The following ETS2 variants were observed in gnomAD, a reference collection of about 807,000 sequenced individuals.
ETS2 encodes the protein ETS proto-oncogene 2, transcription factor, also known as protein C-ets-2.
In ETS2, 19 loss-of-function variants were observed where a neutral mutation model predicts 54.9. That is an observed-to-expected ratio of 0.35 (90% confidence interval 0.24 to 0.51). The LOEUF is 0.51. Ranked by LOEUF, ETS2 falls within the 20% of genes least tolerant of loss-of-function variation. ETS2 has a pLI of 0.97. For missense variants in ETS2, 417 were observed against 593.0 expected (o/e 0.70, Z 3.08); for synonymous variants, 219 against 229.3 (o/e 0.95, Z 0.41).
chr21:38,821,635 C>T lies in ETS2; in HGVS notation c.1125C>T (p.Asp375=). ...AGTTTCTCCTGGAGCTGCTATCAGACAAATCCTGCCAGTCATTCATCAGCT... is the reference window on the plus strand; with the variant it reads ...AGTTTCTCCTGGAGCTGCTATCAGATAAATCCTGCCAGTCATTCATCAGCT... ...LWQFLLELLS[D]KSCQSFISWT... is the part of the protein sequence containing the mutation. Residue 375 remains aspartate (D), a synonymous_variant, in exon 9 of 10, where the codon GAC becomes GAT. Transcript: ENST00000360938. This position sits in a 1 kb window ranked among gnomAD's most constrained non-coding sequence, Gnocchi z 4.2. 1 of 1,614,200 alleles carries T rather than the reference C, an allele frequency of 6.2e-7. No individual in the cohort carries two copies. Among genetic ancestry groups the T allele is most frequent in the South Asian group, 1.1e-5 (1 of 91,086 alleles).
chr21:38,806,034 T>C lies in ETS2; in HGVS notation c.-87T>C. 1 of 1,219,566 alleles carries C rather than the reference T, an allele frequency of 8.2e-7. No individual in the cohort carries two copies. Among genetic ancestry groups the C allele is most frequent in the Non-Finnish European group, 1.0e-6 (1 of 958,892 alleles). 75.5% of individuals were successfully genotyped at this position (1,219,566 alleles called of 1,614,324 possible). ...CCCTGATCGTCTCTGGCCGGCGCCC[T>C]CGCCCTCGCCCGGCGCGCACCGAGC... On this transcript the variant is annotated 5_prime_UTR_variant, in exon 1 of 10. Coordinates refer to ENST00000360938, the MANE Select transcript of ETS2 (RefSeq NM_005239.6). This position sits in a 1 kb window ranked among gnomAD's most constrained non-coding sequence, Gnocchi z 4.3.
intron 7 of ETS2, 100 bp from the exon 8 acceptor site, chr21:38,819,403 G>A (rs935084066): frequency 3.7e-6 from 4 of 1,070,100 alleles, no homozygotes; most frequent in African/African-American, 3.1e-5. Context: ...ACACCAGCAG[G>A]TGCATGATTG....
intron 2 of ETS2, among the ~76,000 whole-genome samples, chr21:38,811,879 CCTT>C (rs1394558834): frequency 6.6e-6 from 1 of 152,060 alleles, no homozygotes; most frequent in Non-Finnish European, 1.5e-5. Flanking sequence ...GCAACAGGGT[CCTT>C]CTCTGTTGCC....
Position 38,822,903 on chromosome 21 carries a change from A to G in ETS2, c.*14A>G, listed in dbSNP as rs1175755742. On this transcript the variant is annotated 3_prime_UTR_variant, in exon 10 of 10. Transcript: ENST00000360938. ...ACGGAGGACTGAGGTCGCCGGGACC[A>G]CCCTGAGCCGGCCCCAGGCTCGTGG... is the stretch of plus-strand genomic sequence containing the variant. 1.9e-6 allele frequency: 3 copies of G among 1,541,908 alleles called. No individual in the cohort carries two copies. Among genetic ancestry groups the G allele is most frequent in the Non-Finnish European group, 2.6e-6 (3 of 1,142,554 alleles).
intron 9 of ETS2, 62 bp from the exon 10 acceptor site, chr21:38,822,612 T>G (rs1601433790): frequency 1.4e-6 from 2 of 1,383,000 alleles, no homozygotes; most frequent in East Asian, 4.6e-5. Context: ...GGGAGGAATG[T>G]CATTCACTTT....
At chr21:38,820,728 C>T (rs1019123172) in intron 8 of ETS2, among the ~76,000 whole-genome samples, 1 of 152,226 alleles carries the variant, frequency 6.6e-6, no homozygotes, top group African/African-American at 2.4e-5. Context: ...AGCTCTGGTT[C>T]TAGAATGCCT....
At chr21:38,817,167 G>T (rs1377702937) in intron 6 of ETS2, 76 bp downstream of exon 6, 6 of 950,654 alleles carry the variant, frequency 6.3e-6, no homozygotes, top group Non-Finnish European at 1.0e-5. Flanking sequence ...TCTACTGTAG[G>T]CTCCTAAGGG....
chr21:38,823,077 G>T lies in ETS2; in HGVS notation c.*188G>T. On this transcript the variant is annotated 3_prime_UTR_variant, in exon 10 of 10. Transcript: ENST00000360938. ...AGGCTGCCTCCCTTGTGGCAGCAAC[G>T]GCACAGCTAATTCTACTCACAGTGC... The T allele has an allele frequency of 2.1e-6, 1 of 465,234 alleles. No individual in the cohort carries two copies. 28.8% of individuals were successfully genotyped at this position (465,234 alleles called of 1,614,324 possible).
chr21:38,808,795 T>C (rs887834715), intron 1 of ETS2, among the ~76,000 whole-genome samples: 5 of 152,162 alleles, frequency 3.3e-5, no homozygotes, highest in African/African-American at 1.2e-4. Context: ...AAGTTCTCAG[T>C]TGTAAACAGG....
Position 38,813,019 on chromosome 21 carries a change from A to G in ETS2, c.89A>G (p.Asp30Gly). The G allele has an allele frequency of 1.9e-6, 3 of 1,613,602 alleles. No homozygotes were observed. The highest frequency in any genetic ancestry group is 2.5e-6 in the Non-Finnish European group (3 of 1,179,550). Residue 30 changes from aspartate (D) to glycine (G), a missense_variant, in exon 3 of 10, where the codon GAC becomes GGC. This residue lies in a region of ETS2 where 326 missense variants were observed against 426.1 expected (regional missense o/e 0.76). Transcript: ENST00000360938. Reference sequence around the variant, plus strand: ...TTTTTGCAGCGCCAGCCAGCCTTTGACACCTTTGATGGGTCCCTGTTTGCT... The same window carrying G: ...TTTTTGCAGCGCCAGCCAGCCTTTGGCACCTTTGATGGGTCCCTGTTTGCT... ...RGTLKRQPAF[D>G]TFDGSLFAVF...
In ETS2 at chr21:38,814,782, C is replaced by A. The variant is rs752915999; in HGVS notation, c.306C>A (p.Asn102Lys). Reference protein sequence around the residue: ...KEQRRLGIPKNPWLWSEQQVC... With the variant: ...KEQRRLGIPKKPWLWSEQQVC... The stretch of plus-strand genomic sequence containing the variant: ...CCATTTTTTCTTCTCTCCTGGTAGA[C>A]CCCTGGCTGTGGAGTGAGCAACAGG... The change falls in exon 5 of 10, where the codon AAC becomes AAA. Residue 102 changes from asparagine (N) to lysine (K), a missense_variant and splice_region_variant. Asn to Lys is a moderately conservative substitution (Grantham distance 94, BLOSUM62 0). Transcript: ENST00000360938. The surrounding 1 kb of genome is among the most constrained non-coding windows in gnomAD (Gnocchi z 4.2). 1.2e-5 allele frequency: 19 copies of A among 1,613,880 alleles called. No homozygotes were observed. In the South Asian group the frequency reaches 1.8e-4, roughly 15 times the overall value.
At chr21:38,805,501 C>G, upstream of ETS2, 1 of 1,287,954 alleles carries the variant, frequency 7.8e-7, no homozygotes, top group Non-Finnish European at 1.0e-6. The surrounding 1 kb of genome is among the most constrained non-coding windows in gnomAD (Gnocchi z 5.2). Context: ...CGGAAAGTCT[C>G]CGCCCGGCTC....
chr21:38,805,519 G>T, upstream of ETS2: 1 of 1,287,384 alleles, frequency 7.8e-7, no homozygotes, highest in Non-Finnish European at 1.0e-6. This position sits in a 1 kb window ranked among gnomAD's most constrained non-coding sequence, Gnocchi z 5.2. Context: ...CTCCCAGGGC[G>T]CACACTCGCG....
In ETS2 at chr21:38,814,289, A is replaced by G. The variant is rs748224711; in HGVS notation, c.201A>G (p.Glu67=). ...DSISHDSANC[E]LPLLTPCSKA... ...TCCTTCCAGACTCCGCCAACTGTGA[A>G]TTGCCTTTGTTAACCCCGTGCAGCA... The change falls in exon 4 of 10, where the codon GAA becomes GAG. Residue 67 remains glutamate (E), a synonymous_variant. Coordinates refer to ENST00000360938, the MANE Select transcript of ETS2 (RefSeq NM_005239.6). The surrounding 1 kb of genome is among the most constrained non-coding windows in gnomAD (Gnocchi z 4.2). 2.9e-5 allele frequency: 47 copies of G among 1,614,110 alleles called. No homozygotes were observed. In the Admixed American group the frequency reaches 7.2e-4, roughly 25 times the overall value.
chr21:38,807,417 C>CTTTTTTTTTTTTT lies in ETS2; in HGVS notation c.-1+1303_-1+1315dup, dbSNP rs369913456. Among the ~76,000 whole-genome samples, 4 of 133,366 alleles carry CTTTTTTTTTTTTT rather than the reference C, an allele frequency of 3.0e-5. 1 individual carries two copies. Among genetic ancestry groups the CTTTTTTTTTTTTT allele is most frequent in the Admixed American group, 7.6e-5 (1 of 13,178 alleles). 87.5% of individuals were successfully genotyped at this position (133,366 alleles called of 152,430 possible). On this transcript the variant is annotated intron_variant, in intron 1 of 9. Transcript: ENST00000360938. Reference sequence around the variant, plus strand: ...AGCTGTTACATTTCTGCTCTTTATCCTTTTTTTTTTTTTTTTTTGGTTTAA... The same window carrying CTTTTTTTTTTTTT: ...AGCTGTTACATTTCTGCTCTTTATCCTTTTTTTTTTTTTTTTTTTTTTTTTTTTTTTGGTTTAA...
chr21:38,822,663 G>A lies in ETS2; in HGVS notation c.1195-11G>A. 2.5e-6 allele frequency: 4 copies of A among 1,607,914 alleles called. 1 individual carries two copies. The highest frequency in any genetic ancestry group is 2.2e-5 in the East Asian group (1 of 44,814). On this transcript the variant is annotated splice_polypyrimidine_tract_variant and intron_variant, in intron 9 of 9. Coordinates refer to ENST00000360938, the MANE Select transcript of ETS2 (RefSeq NM_005239.6). ...TTGAGTTTAACTCTTTTCCATCCAT[G>A]TTCACCAAAGGTGGCCCGCCGGTGG... is the stretch of plus-strand genomic sequence containing the variant.
chr21:38,808,579 G>GGTGTGTGTGTGTGT (rs1274039519), intron 1 of ETS2, among the ~76,000 whole-genome samples: 1 of 65,138 alleles, frequency 1.5e-5, no homozygotes, highest in Non-Finnish European at 3.3e-5. Flanking sequence ...AGCCAAGAGG[G>GGTGTGTGTGTGTGT]GTGTGTGTGT....
At chr21:38,822,383 C>CG (rs2060961641) in intron 9 of ETS2, among the ~76,000 whole-genome samples, 1 of 152,172 alleles carries the variant, frequency 6.6e-6, no homozygotes, top group Non-Finnish European at 1.5e-5. Flanking sequence ...TCCCTGGTCT[C>CG]AGGACCCTCC....
Position 38,823,752 on chromosome 21 carries a change from C to T in ETS2, c.*863C>T, listed in dbSNP as rs3178021. The stretch of plus-strand genomic sequence containing the variant: ...TGGGCTTATATCTGGCCTCTGCTTT[C>T]TCCTTTAATTGTAAAGTAAAAGCTA... On this transcript the variant is annotated 3_prime_UTR_variant, in exon 10 of 10. Coordinates refer to ENST00000360938, the MANE Select transcript of ETS2 (RefSeq NM_005239.6). The T allele has an allele frequency of 1.3e-5, 2 of 152,610 alleles. No individual in the cohort carries two copies. The highest frequency in any genetic ancestry group is 4.8e-5 in the African/African-American group (2 of 41,432). 9.5% of individuals were successfully genotyped at this position (152,610 alleles called of 1,614,324 possible).
Sources: gnomAD v4.1 joint callset for allele counts (sites outside exome capture counted in the v4.1 genomes callset) on GRCh38, gnomAD v4.1.1 for gene constraint, gnomAD v4.1.1 regional missense constraint, Gnocchi (gnomAD v3.1) non-coding constraint, MANE v1.5 for transcripts, NCBI Gene and HGNC (gene_info 2026-07-23, HGNC 2026-07-21) for gene names.